Variants in TMEM269 observed in about 807,000 individuals in gnomAD.
TMEM269 encodes transmembrane protein 269.
Under a neutral mutation model 15.8 loss-of-function variants are expected in TMEM269, and 12 were observed. That is an observed-to-expected ratio of 0.76 (90% CI 0.49 to 1.23). TMEM269 has a LOEUF of 1.23. Among genes scored for constraint, TMEM269 ranks in the 50% most tolerant of loss-of-function variants. TMEM269 has a pLI of 0.00. For synonymous variants in TMEM269, 93 were observed against 99.3 expected (o/e 0.94, Z 0.38); for missense variants, 211 against 245.4 (o/e 0.86, Z 0.94).
intron 2 of TMEM269, 66 bp downstream of exon 2, chr1:42,790,000 G>C: frequency 1.7e-6 from 2 of 1,187,048 alleles, no homozygotes; most frequent in African/African-American, 3.0e-5. Context: ...GAAGGAGAGG[G>C]AGAGTTTGGA....
chr1:42,789,969 G>A (rs1468172097), intron 2 of TMEM269, 35 bp downstream of exon 2: 2 of 1,482,390 alleles, frequency 1.3e-6, no homozygotes, highest in Non-Finnish European at 1.8e-6. Flanking sequence ...TTAGCCAAGA[G>A]CTGGAGCCAA....
intron 3 of TMEM269, 108 bp downstream of exon 3, chr1:42,793,010 C>T (rs1247186821): frequency 3.6e-6 from 3 of 832,776 alleles, no homozygotes; most frequent in Admixed American, 2.0e-5. Flanking sequence ...GGCATCCACC[C>T]CTGTTCACAC....
intron 1 of TMEM269, among the ~76,000 whole-genome samples, chr1:42,785,396 C>G (rs899670552): frequency 9.9e-5 from 15 of 152,202 alleles, no homozygotes; most frequent in Admixed American, 9.2e-4. Context: ...TTTCACTCCG[C>G]GGAGGCGCCG....
chr1:42,790,021 T>C (rs1653654999), intron 2 of TMEM269, 87 bp downstream of exon 2: 2 of 1,010,140 alleles, frequency 2.0e-6, no homozygotes, highest in Admixed American at 4.0e-5. Context: ...GAGCAGGCAC[T>C]GAGGCATAGG....
At chr1:42,796,717 G>A (rs1653796867) in intron 5 of TMEM269, 1 of 152,006 alleles carries the variant, frequency 6.6e-6, no homozygotes, top group Non-Finnish European at 1.5e-5. Context: ...TACTTTCCAA[G>A]ACAACTCTGG....
rs540411407 is a variant in TMEM269 at position 42,788,922 on chromosome 1, CTTTTTT to C, written c.-98-861_-98-856del. On this transcript the variant is annotated intron_variant, in intron 1 of 5. Transcript: ENST00000637012. This position sits in a 1 kb window ranked among gnomAD's most constrained non-coding sequence, Gnocchi z 4.0. ...TTTGTGAACTATTCAGTGTTGTACA[CTTTTTT>C]TTTTTTTTTTTTAGACAGAGTCTCA... 7.3e-6 allele frequency among the ~76,000 whole-genome samples: 1 copy of C among 136,886 alleles called. No homozygotes were observed. The allele number at this position is 136,886 out of a possible 152,430, so 89.8% of individuals were successfully genotyped here.
rs1401144771 is a variant in TMEM269 at position 42,799,451 on chromosome 1, A to G, written c.*1226A>G. ...GTAAATATACATCTATTCTCAAATT[A>G]GATGTTTAAAAATAAAAACCCAAAG... On this transcript the variant is annotated 3_prime_UTR_variant, in exon 6 of 6. Coordinates refer to ENST00000637012, the MANE Select transcript of TMEM269 (RefSeq NM_001354602.2). The G allele has an allele frequency of 3.9e-5, 6 of 152,222 alleles. No individual in the cohort carries two copies. In the South Asian group the frequency reaches 6.2e-4, roughly 16 times the overall value. 9.4% of individuals were successfully genotyped at this position (152,222 alleles called of 1,614,324 possible).
At chr1:42,792,991 C>A in intron 3 of TMEM269, 89 bp downstream of exon 3, 1 of 1,028,558 alleles carries the variant, frequency 9.7e-7, no homozygotes, top group Non-Finnish European at 1.5e-6. Context: ...ATCCCGCAGG[C>A]CTTCATCAGG....
chr1:42,787,001 C>A (rs1432224987), intron 1 of TMEM269, among the ~76,000 whole-genome samples: 1 of 152,182 alleles, frequency 6.6e-6, no homozygotes, highest in Non-Finnish European at 1.5e-5. Context: ...CTCAGTTTCC[C>A]CATCTGTAAG....
Position 42,794,492 on chromosome 1 carries a change from C to A in TMEM269, c.363C>A (p.Gly121=), listed in dbSNP as rs757855436. 3.2e-6 allele frequency: 5 copies of A among 1,550,748 alleles called. No individual in the cohort carries two copies. The South Asian group carries it at 5.9e-5, about 18-fold the overall frequency. The change falls in exon 5 of 6, where the codon GGC becomes GGA. Residue 121 remains glycine (G), a synonymous_variant. Transcript: ENST00000637012. The stretch of plus-strand genomic sequence containing the variant: ...CTTCCACCTCCCTTCTGACCAAAGG[C>A]AACAGGTTCATCCTCTGCTGCATGG... ...ILASTSLLTK[G]NRFILCCMAS... is the part of the protein sequence containing the mutation.
At chr1:42,789,508 T>A (rs919294302) in intron 1 of TMEM269, 160 of 1,534,706 alleles carry the variant, frequency 1.0e-4, no homozygotes, top group Non-Finnish European at 1.3e-4. Context: ...ACTGGAGGGA[T>A]GTCTGTGCTG....
intron 4 of TMEM269, among the ~76,000 whole-genome samples, chr1:42,794,077 G>A (rs1370852366): frequency 6.6e-6 from 1 of 152,214 alleles, no homozygotes; most frequent in Non-Finnish European, 1.5e-5. Flanking sequence ...CCATGCTCCA[G>A]TGAGGGAAAT....
rs1004407200 is a variant in TMEM269 at position 42,792,958 on chromosome 1, C to T, written c.139+56C>T. 8.0e-6 allele frequency: 11 copies of T among 1,378,088 alleles called. No homozygotes were observed. In the Admixed American group the frequency reaches 1.8e-4, roughly 22 times the overall value. 85.4% of individuals were successfully genotyped at this position (1,378,088 alleles called of 1,614,324 possible). On this transcript the variant is annotated intron_variant, in intron 3 of 5. Coordinates refer to ENST00000637012, the MANE Select transcript of TMEM269 (RefSeq NM_001354602.2). ...GCCCCCAGTAGCATCCATCTGGGGT[C>T]ACCCCTTCGTCCATCCTCTAACATC...
rs148079438 is a variant in TMEM269, at chr1:42,794,736, T to C, written c.484+123T>C. The C allele has an allele frequency of 3.5e-4, 247 of 712,730 alleles. No homozygotes were observed. The Middle Eastern group carries it at 6.8e-3, about 20-fold the overall frequency. 44.2% of individuals were successfully genotyped at this position (712,730 alleles called of 1,614,324 possible). ...TTTTTCCCCATAGAACTGATAATCA[T>C]CTGACATATTTACTAGTTTTCTTAT... On this transcript the variant is annotated intron_variant, in intron 5 of 5. Transcript: ENST00000637012.
In TMEM269 at chr1:42,799,525, CAT is replaced by C; in HGVS notation, c.*1303_*1304del. ...GACGGTGCCTTCCTGTTAAATCATTCATATGTTCCTAGTTAGATGGATTTGCC... is the reference window on the plus strand; with the variant it reads ...GACGGTGCCTTCCTGTTAAATCATTCATGTTCCTAGTTAGATGGATTTGCC... On this transcript the variant is annotated 3_prime_UTR_variant, in exon 6 of 6. Transcript: ENST00000637012. 1 of 152,180 alleles carries C rather than the reference CAT, an allele frequency of 6.6e-6. No homozygotes were observed. The allele number at this position is 152,180 out of a possible 1,614,324, so 9.4% of individuals were successfully genotyped here.
chr1:42,785,287 C>T (rs1332196725), intron 1 of TMEM269, among the ~76,000 whole-genome samples: 1 of 152,160 alleles, frequency 6.6e-6, no homozygotes, highest in Non-Finnish European at 1.5e-5. Context: ...AGGAAAGGAG[C>T]GGGGGCTGGG....
In TMEM269 at chr1:42,794,426, A is replaced by G; in HGVS notation, c.297A>G (p.Thr99=). 2 of 1,550,556 alleles carry G rather than the reference A, an allele frequency of 1.3e-6. No homozygotes were observed. Among genetic ancestry groups the G allele is most frequent in the Non-Finnish European group, 8.7e-7 (1 of 1,146,964 alleles). ...TCTTCCTGGCAGGAGTCCCCTCCAC[A>G]TACAAGGGTCTACCCTGCCCCTATG... ...LCFYSPGVPS[T]YKGLPCPYAS... is the part of the protein sequence containing the mutation. The change falls in exon 5 of 6, where the codon ACA becomes ACG. Residue 99 remains threonine (T), a synonymous_variant. Coordinates refer to ENST00000637012, the MANE Select transcript of TMEM269 (RefSeq NM_001354602.2).
chr1:42,787,866 C>G (rs976807036), intron 1 of TMEM269: 1 of 152,344 alleles, frequency 6.6e-6, no homozygotes, highest in Non-Finnish European at 1.5e-5. Flanking sequence ...TTTGATCTTG[C>G]TGGGGTCAGC....
At position 42,788,541 on chromosome 1, in the gene TMEM269, T is replaced by A. The variant is rs556512180; in HGVS notation, c.-98-1255T>A. On this transcript the variant is annotated intron_variant, in intron 1 of 5. Transcript: ENST00000637012. This position sits in a 1 kb window ranked among gnomAD's most constrained non-coding sequence, Gnocchi z 4.0. ...TGTGAAGATGGGCAGGGCCAGCCAA[T>A]TCCCTGTTGTGGGAGAGACTGGGAG... 6.6e-6 allele frequency among the ~76,000 whole-genome samples: 1 copy of A among 152,134 alleles called. No individual in the cohort carries two copies. Among genetic ancestry groups the A allele is most frequent in the Admixed American group, 6.5e-5 (1 of 15,270 alleles).
Sources: allele counts gnomAD v4.1 joint callset (sites outside exome capture counted in the v4.1 genomes callset), GRCh38; gene constraint gnomAD v4.1.1; non-coding constraint Gnocchi (gnomAD v3.1); transcripts MANE v1.5; gene names NCBI Gene and HGNC (gene_info 2026-07-23, HGNC 2026-07-21).